SH3BP4: variants seen among roughly 807,000 people sequenced by gnomAD.
SH3BP4 encodes the protein SH3 domain-binding protein 4.
SH3BP4 carries 33 observed loss-of-function variants against 65.5 expected under a neutral mutation model. The ratio of observed to expected loss-of-function variants is 0.50; its 90% CI spans 0.38 to 0.67. The LOEUF (loss-of-function observed/expected upper bound fraction) is 0.67, where lower values mean the gene tolerates loss of function less well. SH3BP4 is among the 30% of genes least tolerant of loss of function. SH3BP4 has a pLI of 0.00. For missense variants in SH3BP4, 1,134 were observed against 1,261.4 expected (o/e 0.90, Z 1.53); for synonymous variants, 552 against 545.5 (o/e 1.01, Z -0.17).
At chr2:235,053,023 G>A (rs1696111340) in intron 5 of SH3BP4, among the ~76,000 whole-genome samples, 1 of 152,204 alleles carries the variant, frequency 6.6e-6, no homozygotes, top group South Asian at 2.1e-4. Flanking sequence ...TGTTCATTTT[G>A]ATCTTAAATT....
chr2:234,975,093 G>A (rs574891853), intron 1 of SH3BP4, among the ~76,000 whole-genome samples: 3 of 152,340 alleles, frequency 2.0e-5, no homozygotes, highest in Non-Finnish European at 2.9e-5. Flanking sequence ...CTCTGGGTTC[G>A]TTTGGTGCCG....
chr2:234,996,458 T>C (rs937802037), intron 2 of SH3BP4, among the ~76,000 whole-genome samples: 1 of 152,202 alleles, frequency 6.6e-6, no homozygotes, highest in Non-Finnish European at 1.5e-5. Flanking sequence ...AGGAGGAGGC[T>C]CAGGGCTTTT....
In SH3BP4 at chr2:235,042,515, C is replaced by T. The variant is rs768705679; in HGVS notation, c.1746C>T (p.Asn582=). 1.9e-5 allele frequency: 31 copies of T among 1,614,058 alleles called. No individual in the cohort carries two copies. The highest frequency in any genetic ancestry group is 1.4e-4 in the South Asian group (13 of 91,086). Residue 582 remains asparagine, a synonymous_variant, in exon 4 of 6, where the codon AAC becomes AAT. Coordinates refer to ENST00000392011, the MANE Select transcript of SH3BP4 (RefSeq NM_014521.3). This position sits in a 1 kb window ranked among gnomAD's most constrained non-coding sequence, Gnocchi z 7.3. ...LIFPITSQNP[N]ELSDFTLRVQ... ...TCCCCATCACCTCCCAGAACCCCAACGAGCTCTCTGACTTCACGCTGCGGG... is the reference window on the plus strand; with the variant it reads ...TCCCCATCACCTCCCAGAACCCCAATGAGCTCTCTGACTTCACGCTGCGGG...
At chr2:235,043,699 C>T (rs111643201) in intron 4 of SH3BP4, among the ~76,000 whole-genome samples, 353 of 28,226 alleles carry the variant, frequency 0.013, 2 homozygotes, top group Admixed American at 0.051. Flanking sequence ...GCTGATGTCC[C>T]GCTGCCTGAG....
intron 4 of SH3BP4, among the ~76,000 whole-genome samples, chr2:235,047,427 G>T (rs1195957700): frequency 6.6e-6 from 1 of 152,230 alleles, no homozygotes; most frequent in Non-Finnish European, 1.5e-5. Flanking sequence ...GAAACACTGC[G>T]TGGTCGGTGG....
In SH3BP4 at chr2:235,042,174, TTCA is replaced by T; in HGVS notation, c.1409_1411del (p.Ile470del). 1 of 1,614,006 alleles carries T rather than the reference TTCA, an allele frequency of 6.2e-7. No individual in the cohort carries two copies. Among genetic ancestry groups the T allele is most frequent in the Non-Finnish European group, 8.5e-7 (1 of 1,180,020 alleles). On this transcript the variant is annotated inframe_deletion, in exon 4 of 6. Coordinates refer to ENST00000392011, the MANE Select transcript of SH3BP4 (RefSeq NM_014521.3). This position sits in a 1 kb window ranked among gnomAD's most constrained non-coding sequence, Gnocchi z 7.3. ...CCTCTACCCTTCCACCGTGTGGGAC[TTCA>T]TCAATAAAAAAGTCACAGTGGGTCT...
At chr2:235,043,405 G>A (rs932185380) in intron 4 of SH3BP4, among the ~76,000 whole-genome samples, 158 bp downstream of exon 4, 12 of 138,814 alleles carry the variant, frequency 8.6e-5, no homozygotes, top group Non-Finnish European at 7.8e-5. Context: ...GCTCAGCACA[G>A]CCTTTCGCCT....
intron 2 of SH3BP4, among the ~76,000 whole-genome samples, chr2:235,021,647 A>G (rs1312276104): frequency 6.6e-6 from 1 of 152,004 alleles, no homozygotes; most frequent in African/African-American, 2.4e-5. Context: ...TGATAATAAT[A>G]AAGTTTATTT....
intron 2 of SH3BP4, among the ~76,000 whole-genome samples, chr2:235,000,527 T>A (rs1694064834): frequency 6.6e-6 from 1 of 152,192 alleles, no homozygotes; most frequent in Admixed American, 6.5e-5. Context: ...AAGAGGGGCT[T>A]AGCCAGAAGG....
At chr2:235,005,822 G>C (rs1378329990) in intron 2 of SH3BP4, among the ~76,000 whole-genome samples, 1 of 152,244 alleles carries the variant, frequency 6.6e-6, no homozygotes, top group Non-Finnish European at 1.5e-5. Flanking sequence ...GGCTTTGGGA[G>C]GGGTGGCCCA....
At chr2:234,972,531 C>A (rs923512758) in intron 1 of SH3BP4, among the ~76,000 whole-genome samples, 1 of 151,678 alleles carries the variant, frequency 6.6e-6, no homozygotes, top group Non-Finnish European at 1.5e-5. Context: ...CTGAGACCAG[C>A]ATGGGCAACA....
At chr2:235,002,123 G>C (rs1694121145) in intron 2 of SH3BP4, among the ~76,000 whole-genome samples, 1 of 152,136 alleles carries the variant, frequency 6.6e-6, no homozygotes, top group Non-Finnish European at 1.5e-5. Context: ...GGCCTCCCCA[G>C]AGTGCTGGGA....
rs917157033 is a variant in SH3BP4, at chr2:235,055,561, G to A, written c.*1745G>A. ...TAAACCATGGATATTTTTTCCTCAG[G>A]GGCTTTAAATAGTTTCCTATGCAAC... On this transcript the variant is annotated 3_prime_UTR_variant, in exon 6 of 6. Transcript: ENST00000392011. 10 of 152,478 alleles carry A rather than the reference G, an allele frequency of 6.6e-5. No homozygotes were observed. The highest frequency in any genetic ancestry group is 1.3e-4 in the Non-Finnish European group (9 of 68,012). 9.4% of individuals were successfully genotyped at this position (152,478 alleles called of 1,614,324 possible).
rs1695675117 is a variant in SH3BP4, at chr2:235,042,136, A to G, written c.1367A>G (p.His456Arg). 2 of 1,613,940 alleles carry G rather than the reference A, an allele frequency of 1.2e-6. No homozygotes were observed. Among genetic ancestry groups the G allele is most frequent in the Non-Finnish European group, 1.7e-6 (2 of 1,180,018 alleles). The change falls in exon 4 of 6, where the codon CAT (histidine) becomes CGT (arginine). Residue 456 changes from histidine to arginine, a missense_variant. Physicochemically the swap from His to Arg is conservative, Grantham distance 29. Transcript: ENST00000392011. This position sits in a 1 kb window ranked among gnomAD's most constrained non-coding sequence, Gnocchi z 7.3. Reference protein sequence around the residue: ...EPCMYVAVVAHGPSILYPSTV... With the variant: ...EPCMYVAVVARGPSILYPSTV... ...TGTATGTACGTGGCTGTCGTGGCCC[A>G]TGGCCCAAGCATCCTCTACCCTTCC...
chr2:234,958,852 G>A (rs916578280), intron 1 of SH3BP4, among the ~76,000 whole-genome samples: 2 of 152,122 alleles, frequency 1.3e-5, no homozygotes, highest in Non-Finnish European at 2.9e-5. Flanking sequence ...CCACGCAGAA[G>A]AATGTTGGTG....
rs1009268591 is a variant in SH3BP4 at position 234,991,599 on chromosome 2, G to T, written c.-206-3704G>T. Among the ~76,000 whole-genome samples, 7 of 152,156 alleles carry T rather than the reference G, an allele frequency of 4.6e-5. No homozygotes were observed. The highest frequency in any genetic ancestry group is 7.4e-5 in the Non-Finnish European group (5 of 68,024). On this transcript the variant is annotated intron_variant, in intron 1 of 5. Transcript: ENST00000392011. This position sits in a 1 kb window ranked among gnomAD's most constrained non-coding sequence, Gnocchi z 4.2. ...CGCTAAACCGTGTGGTTTTCTTGGG[G>T]CCCCTGAAGACTGACGGGTCCACAC...
intron 2 of SH3BP4, among the ~76,000 whole-genome samples, chr2:235,000,947 C>G (rs1694078624): frequency 6.6e-6 from 1 of 152,262 alleles, no homozygotes; most frequent in African/African-American, 2.4e-5. Context: ...CCAGGCAGCT[C>G]TGGACTTTGC....
chr2:235,008,728 T>C (rs1017013651), intron 2 of SH3BP4: 1 of 152,192 alleles, frequency 6.6e-6, no homozygotes, highest in African/African-American at 2.4e-5. Flanking sequence ...GGTGAACTCA[T>C]TCTCCCGCTA....
chr2:234,982,697 A>G (rs1680782047), intron 1 of SH3BP4, among the ~76,000 whole-genome samples: 1 of 152,090 alleles, frequency 6.6e-6, no homozygotes, highest in African/African-American at 2.4e-5. Context: ...CCCTAGTCAC[A>G]GGGGCAGTGG....
Sources: gnomAD v4.1 joint callset for allele counts (sites outside exome capture counted in the v4.1 genomes callset) on GRCh38, gnomAD v4.1.1 for gene constraint, Gnocchi (gnomAD v3.1) non-coding constraint, MANE v1.5 for transcripts, NCBI Gene and HGNC (gene_info 2026-07-23, HGNC 2026-07-21) for gene names.